Variants in ATP2C1 observed in about 807,000 individuals in gnomAD.
ATP2C1 encodes calcium-transporting ATPase type 2C member 1.
ATP2C1 carries 31 observed loss-of-function variants against 120.5 expected under a neutral mutation model. The ratio of observed to expected loss-of-function variants is 0.26; its 90% CI spans 0.19 to 0.35. The LOEUF is 0.35. ATP2C1 is among the 10% of genes least tolerant of loss of function. The pLI, the probability that ATP2C1 is intolerant of heterozygous loss-of-function variation, is 1.00. For synonymous variants in ATP2C1, 351 were observed against 358.7 expected, an observed-to-expected ratio of 0.98 and a Z score of 0.24; for missense variants, 731 against 1,107.5, an observed-to-expected ratio of 0.66 and a Z score of 4.83.
At chr3:130,989,210 G>GCACTC (rs2062176340) in intron 20 of ATP2C1, among the ~76,000 whole-genome samples, 2 of 143,194 alleles carry the variant, frequency 1.4e-5, no homozygotes, top group Admixed American at 1.4e-4. Context: ...TTGCGCCACT[G>GCACTC]CACTCCAGCC....
intron 2 of ATP2C1, among the ~76,000 whole-genome samples, chr3:130,921,200 GCCT>G (rs1192788623): frequency 6.6e-6 from 1 of 150,906 alleles, no homozygotes; most frequent in Non-Finnish European, 1.5e-5. Flanking sequence ...TCCTGCCTCA[GCCT>G]CCGAAGTAGC....
chr3:130,918,186 TCA>T (rs1215680038), intron 2 of ATP2C1: 7 of 1,112,058 alleles, frequency 6.3e-6, no homozygotes, highest in Non-Finnish European at 9.6e-6. Flanking sequence ...GAAGAGATTC[TCA>T]GTGTGTGATG....
upstream of ATP2C1, among the ~76,000 whole-genome samples, chr3:130,893,011 T>C (rs1037188582): frequency 6.6e-6 from 1 of 152,212 alleles, no homozygotes; most frequent in African/African-American, 2.4e-5. Flanking sequence ...ATCTAGCATA[T>C]ACGGAAATTT....
intron 26 of ATP2C1, among the ~76,000 whole-genome samples, chr3:131,012,061 T>C (rs1010368404): frequency 2.6e-5 from 4 of 152,142 alleles, no homozygotes; most frequent in African/African-American, 4.8e-5. Context: ...ACCTGACTTA[T>C]TACTTCTGCT....
intron 2 of ATP2C1, among the ~76,000 whole-genome samples, chr3:130,902,297 G>GTTTTTTTTTTTTTTTTTTTTTT (rs398052267): frequency 1.5e-4 from 2 of 13,248 alleles, no homozygotes; most frequent in Admixed American, 9.6e-4. Flanking sequence ...TTTTTTTTTT[G>GTTTTTTTTTTTTTTTTTTTTTT]TTTTTTTTTT....
chr3:130,962,726 A>G (rs1484224294), intron 12 of ATP2C1, among the ~76,000 whole-genome samples: 1 of 150,508 alleles, frequency 6.6e-6, no homozygotes, highest in East Asian at 1.9e-4. Context: ...AAAAAAAAAA[A>G]AAAAAAGAAA....
chr3:131,012,260 C>CTTTTTTTTTTTT (rs71620100), intron 26 of ATP2C1, among the ~76,000 whole-genome samples: 1 of 127,214 alleles, frequency 7.9e-6, no homozygotes, highest in African/African-American at 3.0e-5. Context: ...TTTCTTTTTT[C>CTTTTTTTTTTTT]TTTTTTTTTT....
In ATP2C1 at chr3:130,970,632, G is replaced by T. The variant is rs138666626; in HGVS notation, c.1413+1236G>T. 2.3e-3 allele frequency among the ~76,000 whole-genome samples: 352 copies of T among 152,156 alleles called. 1 individual carries two copies. The highest frequency in any genetic ancestry group is 8.2e-3 in the African/African-American group (342 of 41,530). ...TGGTCTTGAACCCCTGGACTCACAT[G>T]ATCCTCCACCTTGGCCTCCCAGAGT... On this transcript the variant is annotated intron_variant, in intron 17 of 27. Transcript: ENST00000510168.
Position 130,951,163 on chromosome 3 carries a change from A to AT in ATP2C1, c.532-2652dup, listed in dbSNP as rs1455640153. Among the ~76,000 whole-genome samples the AT allele has an allele frequency of 3.3e-5, 5 of 152,116 alleles. No homozygotes were observed. In the East Asian group the frequency reaches 9.6e-4, roughly 29 times the overall value. On this transcript the variant is annotated intron_variant, in intron 8 of 27. Coordinates refer to ENST00000510168, the MANE Select transcript of ATP2C1 (RefSeq NM_001378687.1). ...TTACTTGTAATTCAGATAATACATA[A>AT]TTTTTTACATATCTTTGCTTTATGT... is the stretch of plus-strand genomic sequence containing the variant.
intron 2 of ATP2C1, among the ~76,000 whole-genome samples, chr3:130,907,554 C>T (rs568720575): frequency 1.3e-5 from 2 of 151,856 alleles, no homozygotes; most frequent in African/African-American, 4.8e-5. Context: ...GTCTTGGCAC[C>T]CTTGTCAAAA....
chr3:130,854,745 C>T (rs2067783356), intron 1 of ATP2C1, among the ~76,000 whole-genome samples: 1 of 152,212 alleles, frequency 6.6e-6, no homozygotes, highest in South Asian at 2.1e-4. Context: ...AATGAGAAGA[C>T]AGTTTGTCAG....
chr3:130,934,918 CG>C (rs2059601787), intron 5 of ATP2C1, among the ~76,000 whole-genome samples: 1 of 152,002 alleles, frequency 6.6e-6, no homozygotes, highest in Admixed American at 6.6e-5. Flanking sequence ...ACTGCAGCCC[CG>C]AACTCCTGGG....
At chr3:130,971,402 C>T (rs2061311389) in intron 17 of ATP2C1, among the ~76,000 whole-genome samples, 1 of 152,088 alleles carries the variant, frequency 6.6e-6, no homozygotes, top group Admixed American at 6.5e-5. Flanking sequence ...GTGAAATGAA[C>T]AAACAAAACC....
At chr3:130,893,963 G>C (rs2069330834), upstream of ATP2C1, 2 of 985,556 alleles carry the variant, frequency 2.0e-6, no homozygotes, top group African/African-American at 1.7e-5. Context: ...GCGCCTGCGC[G>C]CACCTCTCTC....
intron 2 of ATP2C1, among the ~76,000 whole-genome samples, chr3:130,903,246 C>G (rs1188121019): frequency 1.3e-5 from 2 of 151,902 alleles, no homozygotes; most frequent in Non-Finnish European, 2.9e-5. Context: ...GAAAAATTAG[C>G]TTTTGAGGAA....
chr3:130,947,314 A>G (rs901729487), intron 8 of ATP2C1, among the ~76,000 whole-genome samples: 2 of 152,174 alleles, frequency 1.3e-5, no homozygotes, highest in Non-Finnish European at 2.9e-5. Context: ...CAGTTCACAC[A>G]TTTAAGGTGT....
chr3:130,894,544 TTCC>T lies in ATP2C1; in HGVS notation c.-180-43_-180-41del. Reference sequence around the variant, plus strand: ...AGATAGTGGCTGGGCGGGGAACTCCTTCCTCAGCCTCTCGTCAGCGCCGCTTCT... The same window carrying T: ...AGATAGTGGCTGGGCGGGGAACTCCTTCAGCCTCTCGTCAGCGCCGCTTCT... On this transcript the variant is annotated intron_variant, in intron 1 of 27. Transcript: ENST00000510168. The surrounding 1 kb of genome is among the most constrained non-coding windows in gnomAD (Gnocchi z 4.5). 7.1e-7 allele frequency: 1 copy of T among 1,407,396 alleles called. No individual in the cohort carries two copies. Among genetic ancestry groups the T allele is most frequent in the Non-Finnish European group, 9.2e-7 (1 of 1,081,792 alleles). The allele number at this position is 1,407,396 out of a possible 1,614,324, so 87.2% of individuals were successfully genotyped here. A position where few individuals can be genotyped will look rare whatever the true frequency, so the allele number is the denominator to read the frequency against.
rs118155396 is a variant in ATP2C1, at chr3:130,913,647, T to A, written c.7-16769T>A. Among the ~76,000 whole-genome samples, 1,770 of 151,924 alleles carry A rather than the reference T, an allele frequency of 0.012. 135 individuals are homozygous for A. The East Asian group carries it at 0.21, about 18-fold the overall frequency. ...TGTGTGTATGGGGGAAGAGGGGAGGTGGAAGGATGAAAAGATTCTTTGCAC... is the reference window on the plus strand; with the variant it reads ...TGTGTGTATGGGGGAAGAGGGGAGGAGGAAGGATGAAAAGATTCTTTGCAC... On this transcript the variant is annotated intron_variant, in intron 2 of 27. Coordinates refer to ENST00000510168, the MANE Select transcript of ATP2C1 (RefSeq NM_001378687.1).
At chr3:130,860,426 A>G (rs1316619319) in intron 1 of ATP2C1, among the ~76,000 whole-genome samples, 1 of 152,252 alleles carries the variant, frequency 6.6e-6, no homozygotes. Context: ...CTATTTCAGG[A>G]GATACAACTT....
Sources: allele counts gnomAD v4.1 joint callset (sites outside exome capture counted in the v4.1 genomes callset), GRCh38; gene constraint gnomAD v4.1.1; non-coding constraint Gnocchi (gnomAD v3.1); transcripts MANE v1.5; gene names NCBI Gene and HGNC (gene_info 2026-07-23, HGNC 2026-07-21).